The following LRRC72 variants were observed in gnomAD, a reference collection of about 807,000 sequenced individuals.
The protein encoded by LRRC72 is leucine-rich repeat-containing protein 72.
A neutral mutation model predicts 35.8 loss-of-function variants in LRRC72; 41 were observed. That is an observed-to-expected ratio of 1.15 (90% CI 0.89 to 1.49). The LOEUF (loss-of-function observed/expected upper bound fraction) is 1.49. LRRC72 is among the 40% of genes most tolerant of loss of function. The pLI is 0.00. For missense variants in LRRC72, 389 were observed against 330.7 expected, an observed-to-expected ratio of 1.18 and a Z score of -1.37; for synonymous variants, 118 against 119.2, an observed-to-expected ratio of 0.99 and a Z score of 0.07.
intron 5 of LRRC72, among the ~76,000 whole-genome samples, chr7:16,559,285 T>C (rs759152508): frequency 4.6e-5 from 7 of 151,890 alleles, no homozygotes; most frequent in Admixed American, 2.6e-4. Flanking sequence ...TCCCAGCTAC[T>C]TGAGAGGCTG....
chr7:16,527,200 A>C (rs538486053), intron 1 of LRRC72, among the ~76,000 whole-genome samples, 158 bp downstream of exon 1: 6 of 152,280 alleles, frequency 3.9e-5, no homozygotes, highest in Admixed American at 2.0e-4. Flanking sequence ...ATTGGTTAAC[A>C]TAAAAGGAGA....
intron 7 of LRRC72, among the ~76,000 whole-genome samples, chr7:16,569,589 A>G (rs1366652319): frequency 6.6e-6 from 1 of 152,186 alleles, no homozygotes. Context: ...ACTCCTGTCA[A>G]CCTAAAAAAA....
intron 3 of LRRC72, among the ~76,000 whole-genome samples, chr7:16,540,965 T>A (rs1782346489): frequency 6.6e-6 from 1 of 152,144 alleles, no homozygotes; most frequent in Non-Finnish European, 1.5e-5. Context: ...TCAGGAAGTG[T>A]CAGGCACCAG....
At chr7:16,537,570 A>G in intron 2 of LRRC72, 57 bp from the exon 3 acceptor site, 1 of 1,077,642 alleles carries the variant, frequency 9.3e-7, no homozygotes. Context: ...ACATGCCCAG[A>G]CTTACCTATG....
chr7:16,540,828 G>A (rs1583637862), intron 3 of LRRC72, among the ~76,000 whole-genome samples: 1 of 151,632 alleles, frequency 6.6e-6, no homozygotes, highest in East Asian at 1.9e-4. Flanking sequence ...GCTTCCTGAG[G>A]CCTTCCCAGC....
At chr7:16,536,416 C>T (rs1782258558) in intron 2 of LRRC72, among the ~76,000 whole-genome samples, 6 of 151,748 alleles carry the variant, frequency 4.0e-5, no homozygotes, top group Admixed American at 3.3e-4. Flanking sequence ...CAGGACAATG[C>T]CCTGATATAG....
intron 7 of LRRC72, among the ~76,000 whole-genome samples, chr7:16,569,361 G>A (rs879311992): frequency 6.6e-6 from 1 of 152,042 alleles, no homozygotes; most frequent in Non-Finnish European, 1.5e-5. Context: ...GGGAGGCGGA[G>A]GTTGCAGTGA....
chr7:16,563,510 G>A (rs983560521), intron 5 of LRRC72, among the ~76,000 whole-genome samples: 2 of 152,198 alleles, frequency 1.3e-5, no homozygotes, highest in Non-Finnish European at 2.9e-5. Flanking sequence ...CCTATTGAAA[G>A]TGAAAGTGTA....
At chr7:16,536,427 G>A (rs1348255241) in intron 2 of LRRC72, among the ~76,000 whole-genome samples, 1 of 151,766 alleles carries the variant, frequency 6.6e-6, no homozygotes, top group African/African-American at 2.4e-5. Context: ...CCTGATATAG[G>A]AGATACACAT....
intron 7 of LRRC72, among the ~76,000 whole-genome samples, chr7:16,571,221 C>A (rs1316547065): frequency 6.6e-6 from 1 of 151,996 alleles, no homozygotes; most frequent in African/African-American, 2.4e-5. Flanking sequence ...TCTGAATGAC[C>A]CTTCCTCTTG....
At chr7:16,567,979 A>G (rs1782879417) in intron 7 of LRRC72, among the ~76,000 whole-genome samples, 1 of 152,194 alleles carries the variant, frequency 6.6e-6, no homozygotes, top group South Asian at 2.1e-4. Context: ...AAGCACTGGT[A>G]ATATTTTGAT....
chr7:16,563,349 G>C (rs1260322652), intron 5 of LRRC72, among the ~76,000 whole-genome samples: 1 of 151,830 alleles, frequency 6.6e-6, no homozygotes, highest in African/African-American at 2.4e-5. Context: ...AAGCTTGTGC[G>C]GTAAGGTAGT....
intron 7 of LRRC72, among the ~76,000 whole-genome samples, chr7:16,578,447 GCCACTGCACT>G (rs1389625828): frequency 7.2e-5 from 11 of 152,132 alleles, no homozygotes; most frequent in Non-Finnish European, 1.6e-4. Flanking sequence ...CCGAGATCGT[GCCACTGCACT>G]CCAGCCTGGG....
chr7:16,577,453 A>G (rs907085468), intron 7 of LRRC72, among the ~76,000 whole-genome samples: 1 of 152,220 alleles, frequency 6.6e-6, no homozygotes, highest in Non-Finnish European at 1.5e-5. Context: ...TACTTTCATA[A>G]TCCCAAAGTG....
chr7:16,532,580 T>G lies in LRRC72; in HGVS notation c.164+12T>G. On this transcript the variant is annotated intron_variant, in intron 2 of 8. Coordinates refer to ENST00000401542, the MANE Select transcript of LRRC72 (RefSeq NM_001195280.2). ...TTCCTTTCTAAAAAGTAAGTGTACT[T>G]AACATAAAAAATGAAAGAGTATCAT... is the stretch of plus-strand genomic sequence containing the variant. 1 of 1,524,188 alleles carries G rather than the reference T, an allele frequency of 6.6e-7. No individual in the cohort carries two copies. The highest frequency in any genetic ancestry group is 1.4e-5 in the African/African-American group (1 of 72,658). The allele number at this position is 1,524,188 out of a possible 1,614,324, so 94.4% of individuals were successfully genotyped here. A position where few individuals can be genotyped will look rare whatever the true frequency, so the allele number is the denominator to read the frequency against.
chr7:16,537,940 T>C (rs535448059), intron 3 of LRRC72, among the ~76,000 whole-genome samples: 4 of 152,284 alleles, frequency 2.6e-5, no homozygotes, highest in Admixed American at 6.5e-5. Context: ...CAATTTTACT[T>C]TTGTCTCCCA....
In LRRC72 at chr7:16,581,533, T is replaced by C. The variant is rs1783143833; in HGVS notation, c.*44T>C. Reference sequence around the variant, plus strand: ...ATCTTAGTGGTTTTCAGTTGTATATTAAACTTCCCTGTGACTTAGCATATT... The same window carrying C: ...ATCTTAGTGGTTTTCAGTTGTATATCAAACTTCCCTGTGACTTAGCATATT... On this transcript the variant is annotated 3_prime_UTR_variant, in exon 9 of 9. Transcript: ENST00000401542. The C allele has an allele frequency of 1.4e-6, 2 of 1,401,090 alleles. No individual in the cohort carries two copies. Among genetic ancestry groups the C allele is most frequent in the Non-Finnish European group, 1.9e-6 (2 of 1,063,634 alleles). The allele number at this position is 1,401,090 out of a possible 1,614,324, so 86.8% of individuals were successfully genotyped here.
intron 1 of LRRC72, among the ~76,000 whole-genome samples, chr7:16,527,452 A>G (rs202046621): frequency 1.6e-5 from 2 of 126,290 alleles, no homozygotes; most frequent in South Asian, 4.5e-4. Context: ...ATTCTCCAAC[A>G]GGGGTGTGTG....
At chr7:16,565,271 A>G (rs1261987855) in intron 5 of LRRC72, among the ~76,000 whole-genome samples, 1 of 152,170 alleles carries the variant, frequency 6.6e-6, no homozygotes, top group African/African-American at 2.4e-5. Context: ...CGTCTCTACT[A>G]AAAATACAAA....
Sources: allele counts gnomAD v4.1 joint callset (sites outside exome capture counted in the v4.1 genomes callset), GRCh38; gene constraint gnomAD v4.1.1; transcripts MANE v1.5; gene names NCBI Gene and HGNC (gene_info 2026-07-23, HGNC 2026-07-21).